PDSS2: variants seen among roughly 807,000 people sequenced by gnomAD.
PDSS2 encodes the protein decaprenyl diphosphate synthase subunit 2.
A neutral mutation model predicts 44.5 loss-of-function variants in PDSS2; 31 were observed. That is an observed-to-expected ratio of 0.70 (90% CI 0.52 to 0.94). PDSS2 has a LOEUF of 0.94. Among genes scored for constraint, PDSS2 ranks in the 40% least tolerant of loss-of-function variants. PDSS2 has a pLI of 0.00. For synonymous variants in PDSS2, 157 were observed against 180.3 expected, an observed-to-expected ratio of 0.87 and a Z score of 1.03; for missense variants, 452 against 482.2, an observed-to-expected ratio of 0.94 and a Z score of 0.59.
intron 1 of PDSS2, among the ~76,000 whole-genome samples, chr6:107,393,388 A>G (rs754288898): frequency 3.9e-5 from 6 of 152,134 alleles, no homozygotes; most frequent in Admixed American, 1.3e-4. Context: ...CAAAACTTTT[A>G]AATTATTGAG....
chr6:107,226,277 A>G (rs1219310437), intron 4 of PDSS2, among the ~76,000 whole-genome samples: 1 of 152,170 alleles, frequency 6.6e-6, no homozygotes, highest in Non-Finnish European at 1.5e-5. Flanking sequence ...GCGCCACTGC[A>G]CTCCAGCCTG....
chr6:107,350,134 A>G (rs1158752307), intron 1 of PDSS2, among the ~76,000 whole-genome samples: 6 of 152,176 alleles, frequency 3.9e-5, no homozygotes, highest in Non-Finnish European at 1.5e-5. Flanking sequence ...ACAATGTTGT[A>G]TTCTTCCCAC....
At chr6:107,345,196 C>T (rs1778204276) in intron 1 of PDSS2, among the ~76,000 whole-genome samples, 1 of 151,758 alleles carries the variant, frequency 6.6e-6, no homozygotes, top group South Asian at 2.1e-4. Flanking sequence ...AATAAATCAA[C>T]CGAATGTGAA....
At chr6:107,272,410 A>G (rs1775632384) in intron 3 of PDSS2, among the ~76,000 whole-genome samples, 1 of 152,046 alleles carries the variant, frequency 6.6e-6, no homozygotes. Context: ...TCCTCGTTCT[A>G]TTGACTGGAG....
chr6:107,426,466 G>T (rs1781008040), intron 1 of PDSS2, among the ~76,000 whole-genome samples: 1 of 152,206 alleles, frequency 6.6e-6, no homozygotes, highest in African/African-American at 2.4e-5. Context: ...GAAATGTAGG[G>T]TTGGAGCCTC....
intron 2 of PDSS2, among the ~76,000 whole-genome samples, chr6:107,327,328 G>A (rs561604836): frequency 1.1e-4 from 16 of 152,296 alleles, no homozygotes; most frequent in African/African-American, 3.8e-4. Context: ...AAACTCAGGA[G>A]AGTCTAAAAC....
intron 2 of PDSS2, among the ~76,000 whole-genome samples, chr6:107,305,448 G>A (rs1330374507): frequency 6.6e-6 from 1 of 152,126 alleles, no homozygotes; most frequent in African/African-American, 2.4e-5. Flanking sequence ...GAAAAATTTT[G>A]TTATAAGAAA....
intron 3 of PDSS2, among the ~76,000 whole-genome samples, chr6:107,253,887 G>T (rs765087939): frequency 6.6e-6 from 1 of 152,104 alleles, no homozygotes; most frequent in African/African-American, 2.4e-5. Flanking sequence ...TTTCAGTGAG[G>T]TGTGGTAGCT....
intron 2 of PDSS2, among the ~76,000 whole-genome samples, chr6:107,284,113 A>G (rs866096459): frequency 3.9e-5 from 6 of 152,104 alleles, no homozygotes; most frequent in Middle Eastern, 3.4e-3. Context: ...GACAAGGGAG[A>G]TAAAAAGACA....
chr6:107,253,396 T>C (rs546574921), intron 3 of PDSS2, among the ~76,000 whole-genome samples: 1 of 152,380 alleles, frequency 6.6e-6, no homozygotes, highest in Admixed American at 6.5e-5. Flanking sequence ...AAATAACTTT[T>C]ACATTTACTT....
intron 1 of PDSS2, among the ~76,000 whole-genome samples, chr6:107,449,349 T>G (rs954854767): frequency 2.6e-5 from 4 of 152,256 alleles, no homozygotes; most frequent in African/African-American, 9.6e-5. Flanking sequence ...TACAGCTCAG[T>G]AGCATTAAGT....
chr6:107,269,342 G>GTGTC (rs1284905885), intron 3 of PDSS2, among the ~76,000 whole-genome samples: 1 of 57,854 alleles, frequency 1.7e-5, no homozygotes, highest in Non-Finnish European at 3.8e-5. Context: ...TCGTGTGTCT[G>GTGTC]TGTGTGTGTG....
intron 1 of PDSS2, among the ~76,000 whole-genome samples, chr6:107,456,819 G>A (rs1782058419): frequency 6.6e-6 from 1 of 152,150 alleles, no homozygotes; most frequent in Admixed American, 6.5e-5. Context: ...TGGGATCACA[G>A]ACATGAGACA....
chr6:107,344,382 CAA>C (rs61272424), intron 1 of PDSS2, among the ~76,000 whole-genome samples: 2 of 151,880 alleles, frequency 1.3e-5, no homozygotes, highest in Non-Finnish European at 2.9e-5. Context: ...AAAAATGACC[CAA>C]AATGTATTAT....
At chr6:107,156,884 C>A (rs1379634705) in intron 7 of PDSS2, among the ~76,000 whole-genome samples, 2 of 152,124 alleles carry the variant, frequency 1.3e-5, no homozygotes, top group African/African-American at 4.8e-5. Flanking sequence ...CTCTTCAGAG[C>A]TCTCAAGTTT....
At chr6:107,380,705 A>G (rs1255498030) in intron 1 of PDSS2, among the ~76,000 whole-genome samples, 2 of 151,924 alleles carry the variant, frequency 1.3e-5, no homozygotes, top group Non-Finnish European at 3.0e-5. Flanking sequence ...CCAGTTAGCT[A>G]TGATTCTTTG....
intron 7 of PDSS2, 133 bp from the exon 8 acceptor site, chr6:107,154,910 T>C (rs1770829398): frequency 2.4e-6 from 2 of 836,770 alleles, no homozygotes; most frequent in South Asian, 2.9e-5. Context: ...TGCTACGTTA[T>C]TTTCTGGAAA....
At chr6:107,205,855 A>G (rs1190318438) in intron 6 of PDSS2, among the ~76,000 whole-genome samples, 1 of 152,182 alleles carries the variant, frequency 6.6e-6, no homozygotes, top group East Asian at 1.9e-4. Flanking sequence ...TAGCTTCACA[A>G]TGGTGCTGAA....
rs576489208 is a variant in PDSS2 at position 107,394,272 on chromosome 6, C to T, written c.297-59940G>A. Among the ~76,000 whole-genome samples, 65 of 152,158 alleles carry T rather than the reference C, an allele frequency of 4.3e-4. 1 individual carries two copies. The highest frequency in any genetic ancestry group is 1.5e-3 in the African/African-American group (64 of 41,494). ...TTCCCTGCATTGCTATGAAGAATAC[C>T]TGGGACTGGGTAATTTATAAGAAAA... On this transcript the variant is annotated intron_variant, in intron 1 of 7. Transcript: ENST00000369037.
Sources: gnomAD v4.1 joint callset for allele counts (sites outside exome capture counted in the v4.1 genomes callset) on GRCh38, gnomAD v4.1.1 for gene constraint, MANE v1.5 for transcripts, NCBI Gene and HGNC (gene_info 2026-07-23, HGNC 2026-07-21) for gene names.